TASP1: variants seen among roughly 807,000 people sequenced by gnomAD.
TASP1 encodes the protein taspase 1, also known as threonine aspartase 1.
In TASP1, 16 loss-of-function variants were observed where a neutral mutation model predicts 56.6. The observed-to-expected ratio is 0.28, with a 90% CI of 0.19 to 0.43. The LOEUF (loss-of-function observed/expected upper bound fraction) is 0.43. Among genes scored for constraint, TASP1 ranks in the 20% least tolerant of loss-of-function variants. The pLI, the probability that TASP1 is intolerant of heterozygous loss-of-function variation, is 1.00. For missense variants in TASP1, 393 were observed against 511.6 expected (o/e 0.77, Z 2.24); for synonymous variants, 179 against 184.2 (o/e 0.97, Z 0.23).
At chr20:13,469,541 T>C (rs2044392041) in intron 11 of TASP1, among the ~76,000 whole-genome samples, 1 of 152,124 alleles carries the variant, frequency 6.6e-6, no homozygotes, top group Non-Finnish European at 1.5e-5. Flanking sequence ...TTTTTTCTTT[T>C]TCCTATTTGT....
the TASP1 span, among the ~76,000 whole-genome samples, chr20:13,364,870 T>G: frequency 6.6e-6 from 1 of 152,222 alleles, no homozygotes; most frequent in Admixed American, 6.5e-5. Flanking sequence ...CACTAGAACT[T>G]TCTCCTGTTT....
the TASP1 span, among the ~76,000 whole-genome samples, chr20:13,317,960 T>G: frequency 1.7e-5 from 2 of 119,260 alleles, no homozygotes; most frequent in Non-Finnish European, 3.9e-5. Flanking sequence ...TTCATTAAAA[T>G]TAAACTTTTT....
intron 10 of TASP1, among the ~76,000 whole-genome samples, chr20:13,485,428 T>C (rs1283493122): frequency 1.3e-5 from 2 of 151,950 alleles, no homozygotes; most frequent in Admixed American, 1.3e-4. Context: ...ACCTATTCAG[T>C]AAAAAAATAA....
chr20:13,257,618 T>G, the TASP1 span, among the ~76,000 whole-genome samples: 84 of 152,264 alleles, frequency 5.5e-4, no homozygotes, highest in East Asian at 7.3e-3. Context: ...TCTATGGGTT[T>G]TGTTGACGAG....
At chr20:13,118,936 C>T in the TASP1 span, among the ~76,000 whole-genome samples, 1 of 152,236 alleles carries the variant, frequency 6.6e-6, no homozygotes, top group Non-Finnish European at 1.5e-5. Context: ...CTTCAATAAG[C>T]ACTGCTTTCT....
At chr20:13,506,712 A>G (rs1199962196) in intron 10 of TASP1, among the ~76,000 whole-genome samples, 1 of 152,082 alleles carries the variant, frequency 6.6e-6, no homozygotes, top group Non-Finnish European at 1.5e-5. Context: ...TTAAAAAAAG[A>G]AACTCTCAAC....
the TASP1 span, among the ~76,000 whole-genome samples, chr20:13,374,005 C>A: frequency 6.6e-6 from 1 of 152,010 alleles, no homozygotes; most frequent in South Asian, 2.1e-4. Flanking sequence ...CTTTATTCTG[C>A]CAGTAAAAAA....
chr20:13,616,080 C>T (rs1231267266), intron 4 of TASP1, among the ~76,000 whole-genome samples: 1 of 150,848 alleles, frequency 6.6e-6, no homozygotes, highest in Non-Finnish European at 1.5e-5. Context: ...AATACACATA[C>T]ACACACACAC....
At chr20:13,574,639 T>G (rs1395688163) in intron 6 of TASP1, among the ~76,000 whole-genome samples, 1 of 151,518 alleles carries the variant, frequency 6.6e-6, no homozygotes. Context: ...AGACATTTTT[T>G]AAAGATGCAA....
chr20:13,571,224 C>CT (rs2046701508), intron 6 of TASP1, among the ~76,000 whole-genome samples: 1 of 151,730 alleles, frequency 6.6e-6, no homozygotes, highest in African/African-American at 2.4e-5. Flanking sequence ...GATAAGGATA[C>CT]TAACTATCTA....
intron 1 of TASP1, among the ~76,000 whole-genome samples, chr20:13,632,471 T>G (rs62207644): frequency 0.038 from 5,716 of 152,090 alleles, 152 homozygotes; most frequent in Non-Finnish European, 0.052. Flanking sequence ...TCTTAATATA[T>G]ATGAGAGATT....
At chr20:13,333,251 C>T in the TASP1 span, among the ~76,000 whole-genome samples, 1 of 152,168 alleles carries the variant, frequency 6.6e-6, no homozygotes, top group Non-Finnish European at 1.5e-5. Context: ...TGTTATTCTA[C>T]CCACACTTGA....
chr20:13,618,175 C>T (rs567088013), intron 4 of TASP1, among the ~76,000 whole-genome samples: 49 of 152,062 alleles, frequency 3.2e-4, no homozygotes, highest in Non-Finnish European at 5.7e-4. Flanking sequence ...TTTGGGAGGC[C>T]GAGGCGGGTG....
At chr20:13,200,983 G>A in the TASP1 span, among the ~76,000 whole-genome samples, 1 of 152,206 alleles carries the variant, frequency 6.6e-6, no homozygotes, top group Non-Finnish European at 1.5e-5. Context: ...GAAGCTAAGT[G>A]GCTTCACTAG....
intron 10 of TASP1, among the ~76,000 whole-genome samples, chr20:13,508,740 T>C (rs1221125191): frequency 6.6e-6 from 1 of 152,172 alleles, no homozygotes; most frequent in African/African-American, 2.4e-5. Context: ...ATATGAAAAG[T>C]TGTTCAACAT....
chr20:13,402,026 AC>A (rs2041756289), intron 13 of TASP1, among the ~76,000 whole-genome samples: 1 of 152,198 alleles, frequency 6.6e-6, no homozygotes, highest in Non-Finnish European at 1.5e-5. Flanking sequence ...CTTCATTTCT[AC>A]TAACATGGAG....
At chr20:13,261,676 G>A in the TASP1 span, among the ~76,000 whole-genome samples, 6 of 152,240 alleles carry the variant, frequency 3.9e-5, no homozygotes, top group South Asian at 2.1e-4. Context: ...CAAGGTTAAC[G>A]TCCAATGACC....
At chr20:13,381,125 GA>G in the TASP1 span, among the ~76,000 whole-genome samples, 1 of 152,072 alleles carries the variant, frequency 6.6e-6, no homozygotes, top group South Asian at 2.1e-4. Flanking sequence ...CTGGGGTGTG[GA>G]AAAAAACTCC....
chr20:13,273,837 A>G, the TASP1 span, among the ~76,000 whole-genome samples: 1 of 152,086 alleles, frequency 6.6e-6, no homozygotes, highest in Non-Finnish European at 1.5e-5. Context: ...TACAATCCCT[A>G]TCGGTTAATT....
Sources: gnomAD v4.1 joint callset for allele counts (sites outside exome capture counted in the v4.1 genomes callset) on GRCh38, gnomAD v4.1.1 for gene constraint, MANE v1.5 for transcripts, NCBI Gene and HGNC (gene_info 2026-07-23, HGNC 2026-07-21) for gene names.